PCDHGB2: variants seen among roughly 807,000 people sequenced by gnomAD.
PCDHGB2 encodes the protein protocadherin gamma-B2.
In PCDHGB2, 55 loss-of-function variants were observed where a neutral mutation model predicts 59.3. The ratio of observed to expected loss-of-function variants is 0.93; its 90% CI spans 0.75 to 1.16. The LOEUF (loss-of-function observed/expected upper bound fraction) is 1.16, where lower values mean the gene tolerates loss of function less well. Ranked by LOEUF, PCDHGB2 falls within the 50% of genes most tolerant of loss-of-function variation. The probability of loss-of-function intolerance (pLI) is 0.00; values close to 1 mark genes in which losing one functional copy is unlikely to be tolerated. For missense variants in PCDHGB2, 1,228 were observed against 1,198.5 expected, an observed-to-expected ratio of 1.02 and a Z score of -0.36; for synonymous variants, 516 against 512.0, an observed-to-expected ratio of 1.01 and a Z score of -0.11.
intron 1 of PCDHGB2, among the ~76,000 whole-genome samples, chr5:141,435,134 A>G (rs1190517186): frequency 6.6e-6 from 1 of 152,190 alleles, no homozygotes; most frequent in Non-Finnish European, 1.5e-5. Context: ...GAAAATATAA[A>G]TAAAATTGTG....
intron 1 of PCDHGB2, chr5:141,372,002 C>T (rs1010544928): frequency 3.1e-6 from 5 of 1,613,170 alleles, no homozygotes; most frequent in Non-Finnish European, 4.2e-6. Context: ...AGGCCCGCGA[C>T]CAGGGCTCGC....
chr5:141,442,414 ACTT>A (rs1258523193), intron 1 of PCDHGB2: 2 of 152,190 alleles, frequency 1.3e-5, no homozygotes, highest in Non-Finnish European at 2.9e-5. Flanking sequence ...GGCTGAGTGA[ACTT>A]CTTTTTTGAA....
chr5:141,508,910 A>T (rs2099872999), intron 3 of PCDHGB2, among the ~76,000 whole-genome samples: 1 of 151,906 alleles, frequency 6.6e-6, no homozygotes, highest in Non-Finnish European at 1.5e-5. Context: ...GCGGTGGCGG[A>T]TCTGGCTTCC....
intron 1 of PCDHGB2, among the ~76,000 whole-genome samples, chr5:141,457,900 A>C (rs2098931922): frequency 6.7e-6 from 1 of 149,818 alleles, no homozygotes; most frequent in Admixed American, 6.6e-5. Context: ...CTGTGTAGAC[A>C]AGGTGTGAGG....
chr5:141,393,121 T>A, intron 1 of PCDHGB2: 1 of 1,613,428 alleles, frequency 6.2e-7, no homozygotes, highest in African/African-American at 1.3e-5. Context: ...CCGCGGTGTC[T>A]GATAAATATT....
At position 141,512,815 on chromosome 5, in the gene PCDHGB2, A is replaced by AC. The variant is rs1215322144; in HGVS notation, c.*1647dup. ...TGTGCTGTGTCCACGCGCTAAGGCG[A>AC]CCCCCTCCCCCGTACTGACTTCTCC... is the stretch of plus-strand genomic sequence containing the variant. On this transcript the variant is annotated 3_prime_UTR_variant, in exon 4 of 4. Coordinates refer to ENST00000522605, the MANE Select transcript of PCDHGB2 (RefSeq NM_018923.3). The AC allele has an allele frequency of 6.7e-6, 1 of 149,682 alleles. No homozygotes were observed. The highest frequency in any genetic ancestry group is 1.5e-5 in the Non-Finnish European group (1 of 67,474). 9.3% of individuals were successfully genotyped at this position (149,682 alleles called of 1,614,324 possible).
intron 1 of PCDHGB2, chr5:141,395,501 A>T: frequency 2.1e-6 from 1 of 467,130 alleles, no homozygotes; most frequent in African/African-American, 2.0e-5. Context: ...TCATTCACTT[A>T]AGAAGTAGCT....
intron 1 of PCDHGB2, among the ~76,000 whole-genome samples, chr5:141,435,225 A>G (rs919735003): frequency 5.9e-5 from 9 of 152,188 alleles, no homozygotes; most frequent in Non-Finnish European, 1.2e-4. Context: ...CTTTCTTTCA[A>G]AGTTCAGTAA....
At chr5:141,372,721 C>CA in intron 1 of PCDHGB2, 1 of 1,613,832 alleles carries the variant, frequency 6.2e-7, no homozygotes, top group Non-Finnish European at 8.5e-7. Flanking sequence ...GAAAATGCTG[C>CA]ACCACAAGAT....
At chr5:141,413,444 C>T (rs2095641519) in intron 1 of PCDHGB2, 2 of 1,613,998 alleles carry the variant, frequency 1.2e-6, no homozygotes, top group Non-Finnish European at 1.7e-6. Context: ...AGCTTGATCA[C>T]CGCGGGCAGG....
chr5:141,414,702 A>G, intron 1 of PCDHGB2: 1 of 1,613,974 alleles, frequency 6.2e-7, no homozygotes, highest in Non-Finnish European at 8.5e-7. Context: ...CCTCATACAT[A>G]TCCATCAACT....
Position 141,421,937 on chromosome 5 carries a change from A to G in PCDHGB2, c.2421+59381A>G, listed in dbSNP as rs375878901. The G allele has an allele frequency of 1.5e-5, 25 of 1,613,402 alleles. No homozygotes were observed. In the African/African-American group the frequency reaches 1.6e-4, roughly 10 times the overall value. ...ATTCGTGTGGTGGTCCTCGATGTAA[A>G]TGATCACATCCCAATGTTTACACAG... On this transcript the variant is annotated intron_variant, in intron 1 of 3. Coordinates refer to ENST00000522605, the MANE Select transcript of PCDHGB2 (RefSeq NM_018923.3).
chr5:141,385,314 A>T, intron 1 of PCDHGB2: 1 of 1,611,588 alleles, frequency 6.2e-7, no homozygotes. Context: ...AAAACCTGCC[A>T]AGTATTCAGG....
intron 1 of PCDHGB2, among the ~76,000 whole-genome samples, chr5:141,461,886 C>T (rs944110458): frequency 3.3e-5 from 5 of 151,972 alleles, no homozygotes; most frequent in South Asian, 2.1e-4. Context: ...TGCAATGGCA[C>T]GATCTCGGCT....
chr5:141,365,320 C>A (rs1763848662), intron 1 of PCDHGB2: 1 of 1,613,992 alleles, frequency 6.2e-7, no homozygotes, highest in Non-Finnish European at 8.5e-7. Flanking sequence ...TTGTTGCCAG[C>A]GCTAAGGTGG....
rs752796935 is a variant in PCDHGB2, at chr5:141,399,900, C to T, written c.2421+37344C>T. ...TGGTGACCAAGGTAGTGGCCGTGGACGCAGACTCAGGACACAACGCCTGGC... is the reference window on the plus strand; with the variant it reads ...TGGTGACCAAGGTAGTGGCCGTGGATGCAGACTCAGGACACAACGCCTGGC... On this transcript the variant is annotated intron_variant, in intron 1 of 3. Coordinates refer to ENST00000522605, the MANE Select transcript of PCDHGB2 (RefSeq NM_018923.3). The T allele has an allele frequency of 7.4e-6, 12 of 1,612,414 alleles. 1 individual carries two copies. In the South Asian group the frequency reaches 9.9e-5, roughly 13 times the overall value.
chr5:141,407,088 GT>G lies in PCDHGB2; in HGVS notation c.2421+44536del, dbSNP rs571130014. Among the ~76,000 whole-genome samples, 18 of 152,174 alleles carry G rather than the reference GT, an allele frequency of 1.2e-4. No individual in the cohort carries two copies. The East Asian group carries it at 3.5e-3, about 29-fold the overall frequency. On this transcript the variant is annotated intron_variant, in intron 1 of 3. Coordinates refer to ENST00000522605, the MANE Select transcript of PCDHGB2 (RefSeq NM_018923.3). ...GGCATTTCTGTGGAAATGAAGAATT[GT>G]TTTATTTGTTTGTAATTATTTGGGT...
chr5:141,387,704 GC>G (rs1273015763), intron 1 of PCDHGB2: 1 of 969,516 alleles, frequency 1.0e-6, no homozygotes, highest in African/African-American at 1.6e-5. Flanking sequence ...TTCCAGGGCA[GC>G]CCCAGCTCAG....
intron 1 of PCDHGB2, chr5:141,385,245 G>A: frequency 6.2e-7 from 1 of 1,613,932 alleles, no homozygotes; most frequent in Non-Finnish European, 8.5e-7. Context: ...TCATCAGCCA[G>A]GAGAGCTGTG....
Sources: allele counts gnomAD v4.1 joint callset (sites outside exome capture counted in the v4.1 genomes callset), GRCh38; gene constraint gnomAD v4.1.1; transcripts MANE v1.5; gene names NCBI Gene and HGNC (gene_info 2026-07-23, HGNC 2026-07-21).